Variants in MLIP observed in about 807,000 individuals in gnomAD.
The protein encoded by MLIP is muscular LMNA interacting protein, also known as muscular LMNA-interacting protein.
MLIP carries 79 observed loss-of-function variants against 84.8 expected under a neutral mutation model. That is an observed-to-expected ratio of 0.93 (90% CI 0.78 to 1.12). The LOEUF (loss-of-function observed/expected upper bound fraction) is 1.12. MLIP is among the 50% of genes most tolerant of loss of function. The pLI is 0.00. For missense variants in MLIP, 1,257 were observed against 1,160.6 expected (o/e 1.08, Z -1.21); for synonymous variants, 504 against 463.0 (o/e 1.09, Z -1.14).
intron 12 of MLIP, among the ~76,000 whole-genome samples, chr6:54,256,352 T>C (rs1783004615): frequency 6.6e-6 from 1 of 152,142 alleles, no homozygotes; most frequent in African/African-American, 2.4e-5. Context: ...CAAATTGCTC[T>C]GGGGGTTTAA....
intron 1 of MLIP, among the ~76,000 whole-genome samples, chr6:54,117,278 G>A (rs534218416): frequency 4.8e-5 from 7 of 146,082 alleles, no homozygotes; most frequent in African/African-American, 1.3e-4. Context: ...CACAGTGGCC[G>A]GTCTAGGCTC....
chr6:54,240,961 T>TGA (rs1289078199), intron 12 of MLIP, among the ~76,000 whole-genome samples: 3 of 151,742 alleles, frequency 2.0e-5, no homozygotes, highest in Non-Finnish European at 4.4e-5. Flanking sequence ...GGCGACAGAG[T>TGA]GAGACTCCGT....
chr6:54,147,723 A>G (rs1773008855), intron 4 of MLIP, among the ~76,000 whole-genome samples: 1 of 152,106 alleles, frequency 6.6e-6, no homozygotes, highest in South Asian at 2.1e-4. Flanking sequence ...GTATGTGAGT[A>G]CATATGTATA....
At chr6:54,224,834 G>A (rs1780469403) in intron 11 of MLIP, among the ~76,000 whole-genome samples, 2 of 152,018 alleles carry the variant, frequency 1.3e-5, no homozygotes, top group African/African-American at 2.4e-5. Context: ...AACATACGAT[G>A]TTTGATTTTC....
At chr6:54,087,855 G>A (rs1582109243) in intron 1 of MLIP, among the ~76,000 whole-genome samples, 1 of 144,904 alleles carries the variant, frequency 6.9e-6, no homozygotes, top group East Asian at 2.0e-4. Flanking sequence ...TGAGATTCTT[G>A]CTCTTTGCCA....
intron 12 of MLIP, among the ~76,000 whole-genome samples, chr6:54,235,323 C>T (rs534224360): frequency 1.4e-4 from 22 of 152,192 alleles, no homozygotes; most frequent in Non-Finnish European, 2.6e-4. Flanking sequence ...ATATAAAATA[C>T]TCTTCTATGT....
rs558167759 is a variant in MLIP, at chr6:54,069,632, A to C, written c.63+50541A>C. ...TGTAAGTGTTATATAAAGAGTTGTT[A>C]TACTGTATTGTTTAGGAAATAATAG... On this transcript the variant is annotated intron_variant, in intron 1 of 12. Transcript: ENST00000274897. 1.0e-3 allele frequency among the ~76,000 whole-genome samples: 102 copies of C among 99,874 alleles called. 32 individuals carry two copies. In the South Asian group the frequency reaches 0.016, roughly 16 times the overall value. The allele number at this position is 99,874 out of a possible 152,430, so 65.5% of individuals were successfully genotyped here.
rs572514358 is a variant in MLIP, at chr6:54,216,299, T to C, written c.2718+14066T>C. ...TGAGCAATTGTAGAAGCCTATTTTC[T>C]ATGTTACTTTTGACTTCTTCAATTT... On this transcript the variant is annotated intron_variant, in intron 11 of 13. Transcript: ENST00000502396. 136 of 985,314 alleles carry C rather than the reference T, an allele frequency of 1.4e-4. No individual in the cohort carries two copies. The South Asian group carries it at 3.9e-3, about 28-fold the overall frequency. 61.0% of individuals were successfully genotyped at this position (985,314 alleles called of 1,614,324 possible).
chr6:54,038,772 C>T (rs7771268), intron 1 of MLIP, among the ~76,000 whole-genome samples: 4,381 of 151,966 alleles, frequency 0.029, 192 homozygotes, highest in African/African-American at 0.1. Flanking sequence ...TATTATATAT[C>T]GCTTTCTTTT....
intron 11 of MLIP, among the ~76,000 whole-genome samples, chr6:54,206,108 T>C (rs75982926): frequency 0.014 from 2,114 of 152,320 alleles, 51 homozygotes; most frequent in African/African-American, 0.048. Context: ...AAGAGCTGAA[T>C]GGTATTTAGT....
chr6:54,127,194 A>AT (rs1561957584), intron 3 of MLIP, among the ~76,000 whole-genome samples: 1 of 149,416 alleles, frequency 6.7e-6, no homozygotes, highest in Admixed American at 6.7e-5. Context: ...CATGTTTGTG[A>AT]TTTTCTTTAT....
chr6:54,217,483 G>A, intron 11 of MLIP: 1 of 985,374 alleles, frequency 1.0e-6, no homozygotes. Context: ...GTGTCTGTCA[G>A]TTAAGCAGAG....
chr6:54,192,166 C>T (rs902613830), intron 10 of MLIP, among the ~76,000 whole-genome samples: 5 of 151,880 alleles, frequency 3.3e-5, no homozygotes, highest in Admixed American at 6.6e-5. Context: ...AATTTCTCTG[C>T]ATTTACTTAA....
chr6:54,251,710 C>CAT (rs201795200), intron 12 of MLIP, among the ~76,000 whole-genome samples: 23,401 of 89,490 alleles, frequency 0.26, 4,186 homozygotes, highest in African/African-American at 0.52. Context: ...ACATATGATA[C>CAT]ATATATATTA....
intron 12 of MLIP, among the ~76,000 whole-genome samples, chr6:54,242,769 C>T (rs1479307370): frequency 1.3e-5 from 2 of 152,188 alleles, no homozygotes; most frequent in East Asian, 3.9e-4. Context: ...TTGAGATAAG[C>T]AGTCTACAAT....
chr6:54,259,418 A>G (rs187961932), intron 13 of MLIP, among the ~76,000 whole-genome samples: 108 of 152,058 alleles, frequency 7.1e-4, no homozygotes, highest in African/African-American at 2.2e-3. Context: ...ATATCTACAC[A>G]ATAAGAGTGT....
intron 1 of MLIP, among the ~76,000 whole-genome samples, chr6:54,045,135 G>A (rs1357244297): frequency 6.6e-6 from 1 of 151,992 alleles, no homozygotes; most frequent in East Asian, 1.9e-4. Flanking sequence ...GTTCACTTGA[G>A]GTGAGGGGTT....
chr6:54,121,644 T>G, intron 2 of MLIP, 42 bp downstream of exon 2: 3 of 1,430,354 alleles, frequency 2.1e-6, no homozygotes, highest in Non-Finnish European at 2.8e-6. Flanking sequence ...AACAATTATA[T>G]TAAATTTTGA....
chr6:54,155,698 T>C (rs1255788118), intron 5 of MLIP, among the ~76,000 whole-genome samples: 2 of 152,136 alleles, frequency 1.3e-5, no homozygotes, highest in Non-Finnish European at 2.9e-5. Context: ...GGCATACTTT[T>C]ACACAAGGAC....
Sources: gnomAD v4.1 joint callset for allele counts (sites outside exome capture counted in the v4.1 genomes callset) on GRCh38, gnomAD v4.1.1 for gene constraint, MANE v1.5 for transcripts, NCBI Gene and HGNC (gene_info 2026-07-23, HGNC 2026-07-21) for gene names.